The following RELN variants were observed in gnomAD, a reference collection of about 807,000 sequenced individuals.
RELN encodes reelin.
A neutral mutation model predicts 427.6 loss-of-function variants in RELN; 108 were observed. The ratio of observed to expected loss-of-function variants is 0.25; its 90% CI spans 0.22 to 0.30. RELN has a LOEUF of 0.30. Ranked by LOEUF, RELN falls within the 10% of genes least tolerant of loss-of-function variation. The pLI is 1.00. For synonymous variants in RELN, 1,524 were observed against 1,513.4 expected (o/e 1.01, Z -0.16); for missense variants, 3,715 against 4,302.8 (o/e 0.86, Z 3.82).
At chr7:103,819,484 A>T (rs1263410844) in intron 3 of RELN, among the ~76,000 whole-genome samples, 3 of 152,106 alleles carry the variant, frequency 2.0e-5, no homozygotes, top group African/African-American at 7.2e-5. Flanking sequence ...GTTTAAATAA[A>T]AGCTCGATTG....
chr7:103,499,246 G>C (rs1828941251), intron 53 of RELN, among the ~76,000 whole-genome samples: 1 of 152,204 alleles, frequency 6.6e-6, no homozygotes, highest in African/African-American at 2.4e-5. Flanking sequence ...TGAGTCTCCA[G>C]TTTATCCTTT....
At chr7:103,798,784 A>T (rs1436619668) in intron 3 of RELN, among the ~76,000 whole-genome samples, 1 of 152,198 alleles carries the variant, frequency 6.6e-6, no homozygotes, top group Non-Finnish European at 1.5e-5. Context: ...TATTTTAGGT[A>T]CAGGAGATAA....
chr7:103,901,499 C>G (rs972086720), intron 2 of RELN, among the ~76,000 whole-genome samples: 1 of 151,902 alleles, frequency 6.6e-6, no homozygotes, highest in African/African-American at 2.4e-5. Context: ...TGGAAACAAT[C>G]CAAATTTCCA....
In RELN at chr7:103,651,711, A is replaced by C; in HGVS notation, c.1842T>G (p.Ala614=). The C allele has an allele frequency of 6.2e-7, 1 of 1,611,990 alleles. No individual in the cohort carries two copies. Among genetic ancestry groups the C allele is most frequent in the Non-Finnish European group, 8.5e-7 (1 of 1,178,658 alleles). The change falls in exon 15 of 65, where the codon GCT becomes GCG. Residue 614 remains alanine, a synonymous_variant. Transcript: ENST00000428762. ...LHTECLPEIC[A]GPHLPHSTVY... ...CAGTGCTGTGGGGGAGGTGGGGTCC[A>C]GCACAGATCTCAGGTAAGCATTCAG...
chr7:103,753,109 C>T (rs1239769651), intron 5 of RELN, 73 bp downstream of exon 5: 6 of 1,460,022 alleles, frequency 4.1e-6, no homozygotes, highest in Admixed American at 1.7e-5. Flanking sequence ...ATAACATCTG[C>T]TCGTATAGCC....
intron 5 of RELN, 56 bp downstream of exon 5, chr7:103,753,126 G>C: frequency 6.3e-7 from 1 of 1,577,670 alleles, no homozygotes; most frequent in Non-Finnish European, 8.7e-7. Flanking sequence ...AGCCAGAAAA[G>C]CCAAACAAGT....
intron 31 of RELN, among the ~76,000 whole-genome samples, chr7:103,567,706 G>A (rs1479896203): frequency 1.3e-5 from 2 of 151,608 alleles, no homozygotes; most frequent in Non-Finnish European, 2.9e-5. Flanking sequence ...TCATAATTAC[G>A]ACTAGGGATA....
intron 2 of RELN, among the ~76,000 whole-genome samples, chr7:103,843,367 G>A (rs1018490692): frequency 1.3e-5 from 2 of 152,102 alleles, no homozygotes; most frequent in African/African-American, 2.4e-5. Context: ...ACTACGCCCA[G>A]TAAGACTCAG....
intron 4 of RELN, among the ~76,000 whole-genome samples, chr7:103,755,615 AAAT>A (rs1389098521): frequency 7.3e-5 from 5 of 68,056 alleles, no homozygotes; most frequent in African/African-American, 3.5e-4. Context: ...CTCAAAAAAA[AAAT>A]AAAAAAAATA....
intron 8 of RELN, among the ~76,000 whole-genome samples, chr7:103,704,161 G>C (rs1186738942): frequency 6.6e-6 from 1 of 152,102 alleles, no homozygotes; most frequent in Admixed American, 6.5e-5. Flanking sequence ...AAATAAGTTG[G>C]TAAATGATAA....
At chr7:103,655,001 G>A (rs80252448) in intron 12 of RELN, among the ~76,000 whole-genome samples, 5,416 of 151,916 alleles carry the variant, frequency 0.036, 149 homozygotes, top group East Asian at 0.14. Flanking sequence ...TTGTAGAGAC[G>A]GGGTCTCCCT....
At chr7:103,513,219 C>A (rs140674246) in intron 50 of RELN, 3 of 152,164 alleles carry the variant, frequency 2.0e-5, no homozygotes, top group Non-Finnish European at 4.4e-5. Flanking sequence ...CTAACTCACC[C>A]GTCTCTCCTG....
chr7:103,774,296 CAAAA>C (rs35834080), intron 4 of RELN, among the ~76,000 whole-genome samples: 15 of 121,030 alleles, frequency 1.2e-4, no homozygotes, highest in Admixed American at 1.7e-4. Context: ...GACTTTGTCT[CAAAA>C]AAAAAAAAAA....
At chr7:103,678,849 A>C (rs1416578059) in intron 11 of RELN, among the ~76,000 whole-genome samples, 1 of 152,180 alleles carries the variant, frequency 6.6e-6, no homozygotes, top group Non-Finnish European at 1.5e-5. Flanking sequence ...TTTGCCATCT[A>C]TGTTTTCTGT....
chr7:103,901,301 TAGTGAG>T (rs1179030707), intron 2 of RELN, among the ~76,000 whole-genome samples: 1 of 152,036 alleles, frequency 6.6e-6, no homozygotes, highest in African/African-American at 2.4e-5. Flanking sequence ...CATACATTGC[TAGTGAG>T]AATGTAAAAT....
At chr7:103,961,813 T>C (rs1796561166) in intron 1 of RELN, among the ~76,000 whole-genome samples, 1 of 152,228 alleles carries the variant, frequency 6.6e-6, no homozygotes, top group Non-Finnish European at 1.5e-5. Flanking sequence ...ATGATTATAA[T>C]GTCTATAAAA....
chr7:103,475,333 C>T (rs917563366), intron 64 of RELN, among the ~76,000 whole-genome samples: 5 of 152,056 alleles, frequency 3.3e-5, no homozygotes, highest in African/African-American at 9.7e-5. Flanking sequence ...AGTCCCCCAA[C>T]TCCCCCCACC....
intron 1 of RELN, among the ~76,000 whole-genome samples, chr7:103,919,149 T>C (rs1795555780): frequency 6.9e-6 from 1 of 144,680 alleles, no homozygotes; most frequent in Non-Finnish European, 1.5e-5. Context: ...TTTTTTTTTT[T>C]TTTTTTTAGA....
intron 38 of RELN, among the ~76,000 whole-genome samples, chr7:103,555,778 C>T (rs1359002303): frequency 6.6e-6 from 1 of 152,104 alleles, no homozygotes; most frequent in Non-Finnish European, 1.5e-5. Flanking sequence ...TGGCACATTC[C>T]TTTTTTGGAC....
Sources: allele counts gnomAD v4.1 joint callset (sites outside exome capture counted in the v4.1 genomes callset), GRCh38; gene constraint gnomAD v4.1.1; transcripts MANE v1.5; gene names NCBI Gene and HGNC (gene_info 2026-07-23, HGNC 2026-07-21).